Variants in SECISBP2L observed in about 807,000 individuals in gnomAD.
SECISBP2L encodes the protein selenocysteine insertion sequence-binding protein 2-like.
In SECISBP2L, 43 loss-of-function variants were observed where a neutral mutation model predicts 114.7. The observed-to-expected ratio is 0.38, with a 90% CI of 0.29 to 0.48. The LOEUF (loss-of-function observed/expected upper bound fraction) is 0.48. Among genes scored for constraint, SECISBP2L ranks in the 20% least tolerant of loss-of-function variants. The pLI, the probability that SECISBP2L is intolerant of heterozygous loss-of-function variation, is 0.98. For missense variants in SECISBP2L, 1,136 were observed against 1,301.1 expected, an observed-to-expected ratio of 0.87 and a Z score of 1.95; for synonymous variants, 451 against 439.7, an observed-to-expected ratio of 1.03 and a Z score of -0.32.
chr15:49,000,005 T>C lies in SECISBP2L; in HGVS notation c.2249-18A>G. On this transcript the variant is annotated intron_variant, in intron 15 of 17. Coordinates refer to ENST00000559471, the MANE Select transcript of SECISBP2L (RefSeq NM_001193489.2). Reference sequence around the variant, plus strand: ...CAGACCACCTGAGAAAATCAACACATGCAGACGCCTTTAGTTGTTGCCTAC... The same window carrying C: ...CAGACCACCTGAGAAAATCAACACACGCAGACGCCTTTAGTTGTTGCCTAC... The C allele has an allele frequency of 6.2e-7, 1 of 1,612,140 alleles. No homozygotes were observed. Among genetic ancestry groups the C allele is most frequent in the Middle Eastern group, 1.7e-4 (1 of 6,034 alleles).
rs887220342 is a variant in SECISBP2L at position 48,989,967 on chromosome 15, G to A, written c.*2277C>T. 1 of 152,544 alleles carries A rather than the reference G, an allele frequency of 6.6e-6. No homozygotes were observed. 9.4% of individuals were successfully genotyped at this position (152,544 alleles called of 1,614,324 possible). ...TAACATTTCCTTTAATAATTCTTGG[G>A]TTGTCCTCTAGAGGTGACCTGTCTC... On this transcript the variant is annotated 3_prime_UTR_variant, in exon 18 of 18. Transcript: ENST00000559471.
chr15:49,004,012 T>C (rs535606841), intron 14 of SECISBP2L, among the ~76,000 whole-genome samples: 58 of 152,318 alleles, frequency 3.8e-4, no homozygotes, highest in Middle Eastern at 3.4e-3. Context: ...TCAGAAGGAA[T>C]GGTACCAGCT....
In SECISBP2L at chr15:49,035,342, C is replaced by A. The variant is rs202015242; in HGVS notation, c.520G>T (p.Val174Phe). 7.5e-5 allele frequency: 121 copies of A among 1,613,028 alleles called. No homozygotes were observed. Among genetic ancestry groups the A allele is most frequent in the Non-Finnish European group, 9.9e-5 (117 of 1,179,120 alleles). The change falls in exon 3 of 18, where the codon GTC becomes TTC. Residue 174 changes from valine (V) to phenylalanine (F), a missense_variant. Val to Phe is a conservative substitution (Grantham distance 50, BLOSUM62 -1). This residue lies in a region of SECISBP2L where 452 missense variants were observed against 452.3 expected (regional missense o/e 1.00). Coordinates refer to ENST00000559471, the MANE Select transcript of SECISBP2L (RefSeq NM_001193489.2). ...CAAGACCAGACACTTACTTTTGGGACCACTGATCCTCTGTTACTGTTTCTG... is the reference window on the plus strand; with the variant it reads ...CAAGACCAGACACTTACTTTTGGGAACACTGATCCTCTGTTACTGTTTCTG... The part of the protein sequence containing the change: ...RSRNSNRGSV[V>F]PKQQLLQQHI...
At chr15:48,999,788 G>A in intron 16 of SECISBP2L, 45 bp downstream of exon 16, 1 of 1,587,678 alleles carries the variant, frequency 6.3e-7, no homozygotes, top group Non-Finnish European at 8.6e-7. Flanking sequence ...GTGCTATCTG[G>A]GGGATGTGCT....
intron 1 of SECISBP2L, among the ~76,000 whole-genome samples, chr15:49,043,775 A>T (rs1903188476): frequency 6.6e-6 from 1 of 152,110 alleles, no homozygotes; most frequent in South Asian, 2.1e-4. Context: ...TCTTCTAGTT[A>T]TAACATTCTT....
intron 1 of SECISBP2L, among the ~76,000 whole-genome samples, chr15:49,041,777 T>G (rs563854312): frequency 6.6e-6 from 1 of 152,198 alleles, no homozygotes; most frequent in African/African-American, 2.4e-5. Flanking sequence ...ATTCTTTCTA[T>G]GTTAAGGTAA....
intron 2 of SECISBP2L, among the ~76,000 whole-genome samples, chr15:49,036,294 A>G (rs905090365): frequency 6.6e-6 from 1 of 152,220 alleles, no homozygotes; most frequent in African/African-American, 2.4e-5. Flanking sequence ...TGCAGTTCAT[A>G]TAAAACACTA....
chr15:49,023,489 G>T (rs543732570), intron 7 of SECISBP2L, among the ~76,000 whole-genome samples: 21 of 152,130 alleles, frequency 1.4e-4, no homozygotes, highest in Non-Finnish European at 2.4e-4. Flanking sequence ...GATACAATCT[G>T]GTGATATTTA....
At chr15:49,008,742 T>C (rs959983559) in intron 14 of SECISBP2L, among the ~76,000 whole-genome samples, 17 of 152,230 alleles carry the variant, frequency 1.1e-4, no homozygotes, top group African/African-American at 4.1e-4. Flanking sequence ...TGGGGTATCA[T>C]ATTCTGTGAT....
rs34895054 is a variant in SECISBP2L, at chr15:48,992,804, G to T, written c.2746C>A (p.Pro916Thr). 10 of 1,613,888 alleles carry T rather than the reference G, an allele frequency of 6.2e-6. No homozygotes were observed. The highest frequency in any genetic ancestry group is 8.5e-6 in the Non-Finnish European group (10 of 1,179,996). Residue 916 changes from proline (P) to threonine (T), a missense_variant, in exon 18 of 18, where the codon CCA (proline) becomes ACA (threonine). Pro to Thr is a conservative substitution (Grantham distance 38). Around this residue, in one of 2 missense-constraint regions of SECISBP2L, gnomAD observed 684 missense variants for 848.7 expected, o/e 0.81. Coordinates refer to ENST00000559471, the MANE Select transcript of SECISBP2L (RefSeq NM_001193489.2). The stretch of plus-strand genomic sequence containing the variant: ...ACTAATGATGGCTGCTTACCAATTG[G>T]GGGTGTGTCAAATGGAAGTTTACTG... ...KPSKLPFDTP[P>T]IGKQPSLVAT...
intron 1 of SECISBP2L, among the ~76,000 whole-genome samples, chr15:49,041,263 T>C (rs1903123954): frequency 6.6e-6 from 1 of 152,228 alleles, no homozygotes; most frequent in Admixed American, 6.5e-5. Context: ...ATGAAAAAAA[T>C]CATAGTCCCA....
At chr15:49,002,636 G>A (rs1303033630) in intron 14 of SECISBP2L, among the ~76,000 whole-genome samples, 1 of 152,176 alleles carries the variant, frequency 6.6e-6, no homozygotes, top group Non-Finnish European at 1.5e-5. Context: ...TGTATAAGGT[G>A]TAAGAAAGGG....
At chr15:49,030,402 A>G (rs1718309688) in intron 4 of SECISBP2L, among the ~76,000 whole-genome samples, 1 of 152,342 alleles carries the variant, frequency 6.6e-6, no homozygotes, top group East Asian at 1.9e-4. Flanking sequence ...TAGGAATGAG[A>G]TGACTGCGTC....
rs1386213665 is a variant in SECISBP2L at position 49,035,522 on chromosome 15, C to T, written c.340G>A (p.Ala114Thr). The change falls in exon 3 of 18, where the codon GCA (alanine) becomes ACA (threonine). Residue 114 changes from alanine (A) to threonine (T), a missense_variant. By Grantham distance (58) the Ala-to-Thr change is moderately conservative. This residue lies in a region of SECISBP2L where 452 missense variants were observed against 452.3 expected (regional missense o/e 1.00). Coordinates refer to ENST00000559471, the MANE Select transcript of SECISBP2L (RefSeq NM_001193489.2). ...TEYTYYQLMP[A>T]PCAQVMGFYH... ...AAACCCATAACCTGGGCACATGGTG[C>T]TGGCATCAGCTGATAATATGTATAC... 1 of 1,614,176 alleles carries T rather than the reference C, an allele frequency of 6.2e-7. No homozygotes were observed. The highest frequency in any genetic ancestry group is 8.5e-7 in the Non-Finnish European group (1 of 1,180,018).
intron 7 of SECISBP2L, among the ~76,000 whole-genome samples, chr15:49,021,670 T>C (rs1277052162): frequency 1.3e-5 from 2 of 152,200 alleles, no homozygotes; most frequent in African/African-American, 2.4e-5. Context: ...TTAGTATATA[T>C]GTATTAACGG....
chr15:49,041,622 A>C (rs1433566314), intron 1 of SECISBP2L, among the ~76,000 whole-genome samples: 1 of 152,166 alleles, frequency 6.6e-6, no homozygotes, highest in African/African-American at 2.4e-5. Context: ...AATGCAAATA[A>C]TTTTCCCAGA....
chr15:49,042,919 T>A (rs539831626), intron 1 of SECISBP2L, among the ~76,000 whole-genome samples: 10 of 152,132 alleles, frequency 6.6e-5, no homozygotes, highest in Non-Finnish European at 1.3e-4. Flanking sequence ...AATCCCAGCT[T>A]CAGGAGGCTG....
At chr15:49,030,795 GT>G (rs1902868645) in intron 4 of SECISBP2L, among the ~76,000 whole-genome samples, 2 of 152,088 alleles carry the variant, frequency 1.3e-5, no homozygotes, top group South Asian at 2.1e-4. Flanking sequence ...TGTGGGGTCT[GT>G]TTCTGGGCTC....
chr15:49,019,493 C>A lies in SECISBP2L; in HGVS notation c.1095G>T (p.Lys365Asn). The A allele has an allele frequency of 6.6e-7, 1 of 1,511,870 alleles. No homozygotes were observed. Among genetic ancestry groups the A allele is most frequent in the African/African-American group, 1.4e-5 (1 of 71,700 alleles). 93.7% of individuals were successfully genotyped at this position (1,511,870 alleles called of 1,614,324 possible). The change falls in exon 8 of 18, where the codon AAG becomes AAT. Residue 365 changes from lysine (K) to asparagine (N), a missense_variant. Physicochemically the swap from Lys to Asn is moderately conservative, Grantham distance 94. Coordinates refer to ENST00000559471, the MANE Select transcript of SECISBP2L (RefSeq NM_001193489.2). The part of the protein sequence containing the change: ...TSSERRQNLQ[K>N]RPDNKHLSSS... ...AGCTTAAATGCTTATTATCTGGTCTCTTTTGCAAATTCTGTCTTCTTTCTG... is the reference window on the plus strand; with the variant it reads ...AGCTTAAATGCTTATTATCTGGTCTATTTTGCAAATTCTGTCTTCTTTCTG...
Sources: gnomAD v4.1 joint callset for allele counts (sites outside exome capture counted in the v4.1 genomes callset) on GRCh38, gnomAD v4.1.1 for gene constraint, gnomAD v4.1.1 regional missense constraint, MANE v1.5 for transcripts, NCBI Gene and HGNC (gene_info 2026-07-23, HGNC 2026-07-21) for gene names.